Variants in INPP5A observed in about 807,000 individuals in gnomAD.
INPP5A encodes the protein 43 kDa inositol polyphosphate 5-phophatase.
A neutral mutation model predicts 65.2 loss-of-function variants in INPP5A; 14 were observed. The ratio of observed to expected loss-of-function variants is 0.21; its 90% CI spans 0.14 to 0.34. INPP5A has a LOEUF of 0.34. Among genes scored for constraint, INPP5A ranks in the 10% least tolerant of loss-of-function variants. The probability of loss-of-function intolerance (pLI) is 1.00; values close to 1 mark genes in which losing one functional copy is unlikely to be tolerated. For missense variants in INPP5A, 431 were observed against 545.6 expected, an observed-to-expected ratio of 0.79 and a Z score of 2.09; for synonymous variants, 207 against 208.3, an observed-to-expected ratio of 0.99 and a Z score of 0.05.
In INPP5A at chr10:132,659,345, C is replaced by T. The variant is rs984007763; in HGVS notation, c.306+8840C>T. On this transcript the variant is annotated intron_variant, in intron 4 of 15. Coordinates refer to ENST00000368594, the MANE Select transcript of INPP5A (RefSeq NM_005539.5). The surrounding 1 kb of genome is among the most constrained non-coding windows in gnomAD (Gnocchi z 5.5). ...CTGCCATTGGCCCGTAGCTCTGGGG[C>T]TGGTCCTGGCCATCTAGCCATGGGA... Among the ~76,000 whole-genome samples, 3 of 152,198 alleles carry T rather than the reference C, an allele frequency of 2.0e-5. No individual in the cohort carries two copies. The highest frequency in any genetic ancestry group is 4.4e-5 in the Non-Finnish European group (3 of 68,030).
chr10:132,745,748 G>A (rs948418113), intron 9 of INPP5A, among the ~76,000 whole-genome samples: 30 of 150,960 alleles, frequency 2.0e-4, no homozygotes, highest in Non-Finnish European at 7.4e-5. Context: ...GGCCTCAGCT[G>A]TGGTGGCCTT....
At chr10:132,747,450 C>A (rs1259632916) in intron 9 of INPP5A, among the ~76,000 whole-genome samples, 2 of 152,266 alleles carry the variant, frequency 1.3e-5, no homozygotes, top group African/African-American at 4.8e-5. Context: ...ACACTGCACA[C>A]CAGCCACCAG....
At chr10:132,668,329 G>T (rs1474638021) in intron 4 of INPP5A, among the ~76,000 whole-genome samples, 1 of 152,208 alleles carries the variant, frequency 6.6e-6, no homozygotes, top group Admixed American at 6.5e-5. Context: ...TCTGTTGGTG[G>T]TTAGGGGGCA....
At chr10:132,588,758 C>A (rs546495574) in intron 1 of INPP5A, among the ~76,000 whole-genome samples, 1 of 152,320 alleles carries the variant, frequency 6.6e-6, no homozygotes, top group Admixed American at 6.5e-5. Context: ...GTGTGTGTCA[C>A]CATCGGTGGT....
In INPP5A at chr10:132,689,123, G is replaced by A. The variant is rs1156426548; in HGVS notation, c.307-1269G>A. Among the ~76,000 whole-genome samples the A allele has an allele frequency of 3.3e-5, 5 of 152,236 alleles. No homozygotes were observed. The East Asian group carries it at 5.8e-4, about 18-fold the overall frequency. On this transcript the variant is annotated intron_variant, in intron 4 of 15. Transcript: ENST00000368594. Reference sequence around the variant, plus strand: ...CCTTGGAATGAGGTGATACTCAGGCGTTGCCCTTGTGTTGCCCACAGGCTC... The same window carrying A: ...CCTTGGAATGAGGTGATACTCAGGCATTGCCCTTGTGTTGCCCACAGGCTC...
At chr10:132,718,990 G>C (rs1845803618) in intron 8 of INPP5A, among the ~76,000 whole-genome samples, 1 of 147,536 alleles carries the variant, frequency 6.8e-6, no homozygotes, top group Non-Finnish European at 1.5e-5. Context: ...TGGTACCTGG[G>C]TTCTGTCTGG....
chr10:132,664,635 C>T (rs2072779178), intron 4 of INPP5A, among the ~76,000 whole-genome samples: 1 of 152,254 alleles, frequency 6.6e-6, no homozygotes, highest in South Asian at 2.1e-4. Flanking sequence ...CGCTCTCTCA[C>T]AGCCACGTCT....
intron 4 of INPP5A, among the ~76,000 whole-genome samples, chr10:132,688,779 C>G (rs546785704): frequency 1.4e-3 from 211 of 149,712 alleles, no homozygotes; most frequent in African/African-American, 5.0e-3. Flanking sequence ...CGAATGAGTT[C>G]GTGTGTGAGC....
chr10:132,552,697 C>T lies in INPP5A; in HGVS notation c.75+14526C>T, dbSNP rs565878780. Among the ~76,000 whole-genome samples, 458 of 128,424 alleles carry T rather than the reference C, an allele frequency of 3.6e-3. 3 individuals are homozygous for T. Among genetic ancestry groups the T allele is most frequent in the African/African-American group, 0.013 (411 of 32,760 alleles). 84.3% of individuals were successfully genotyped at this position (128,424 alleles called of 152,430 possible). ...AGGATAGGGAGGGAGGATTGGTGAA[C>T]GCCTTCTCAGAGCCTTGGTGGCATA... On this transcript the variant is annotated intron_variant, in intron 1 of 15. Transcript: ENST00000368594.
At position 132,749,557 on chromosome 10, in the gene INPP5A, C is replaced by G; in HGVS notation, c.773C>G (p.Ala258Gly). ...TKATMQTVRA[A>G]DTNEVVKLIF... ...GCCACCATGCAGACGGTCCGGGCCG[C>G]CGACACCAATGAAGTGGTGAAGCTC... The change falls in exon 10 of 16, where the codon GCC becomes GGC. Residue 258 changes from alanine (A) to glycine (G), a missense_variant. Transcript: ENST00000368594. 6.2e-7 allele frequency: 1 copy of G among 1,613,014 alleles called. No homozygotes were observed. The highest frequency in any genetic ancestry group is 8.5e-7 in the Non-Finnish European group (1 of 1,180,024).
intron 4 of INPP5A, among the ~76,000 whole-genome samples, chr10:132,667,818 C>T (rs558187038): frequency 2.6e-5 from 4 of 152,236 alleles, no homozygotes; most frequent in East Asian, 1.9e-4. Flanking sequence ...TGATATTTCT[C>T]GGTAATGAAC....
rs1194547416 is a variant in INPP5A at position 132,545,060 on chromosome 10, C to G, written c.75+6889C>G. Among the ~76,000 whole-genome samples, 1 of 152,110 alleles carries G rather than the reference C, an allele frequency of 6.6e-6. No individual in the cohort carries two copies. Among genetic ancestry groups the G allele is most frequent in the Non-Finnish European group, 1.5e-5 (1 of 68,028 alleles). ...GGCGTGGTCACGTCCGTCCCTGTTG[C>G]CTGCGCTGCTCCGAGAAGCCCCACT... On this transcript the variant is annotated intron_variant, in intron 1 of 15. Coordinates refer to ENST00000368594, the MANE Select transcript of INPP5A (RefSeq NM_005539.5). This position sits in a 1 kb window ranked among gnomAD's most constrained non-coding sequence, Gnocchi z 4.6.
chr10:132,675,764 G>C lies in INPP5A; in HGVS notation c.307-14628G>C, dbSNP rs897337890. Among the ~76,000 whole-genome samples the C allele has an allele frequency of 1.3e-5, 2 of 152,156 alleles. No individual in the cohort carries two copies. Among genetic ancestry groups the C allele is most frequent in the African/African-American group, 4.8e-5 (2 of 41,436 alleles). ...GTAGATGGCAATTTCCTAATATAAT[G>C]GACATTTAAAACTCAATTAAGGCTT... On this transcript the variant is annotated intron_variant, in intron 4 of 15. Transcript: ENST00000368594. The surrounding 1 kb of genome is among the most constrained non-coding windows in gnomAD (Gnocchi z 4.2).
chr10:132,556,583 A>G (rs1282114477), intron 1 of INPP5A, among the ~76,000 whole-genome samples: 1 of 152,180 alleles, frequency 6.6e-6, no homozygotes, highest in Non-Finnish European at 1.5e-5. Flanking sequence ...CATACCACAT[A>G]GGCACACACA....
intron 4 of INPP5A, among the ~76,000 whole-genome samples, chr10:132,664,685 T>C (rs993840058): frequency 1.3e-5 from 2 of 152,236 alleles, no homozygotes; most frequent in Non-Finnish European, 2.9e-5. Flanking sequence ...AGCCCAGAGC[T>C]GAGCACAGAA....
chr10:132,673,499 T>G (rs540077624), intron 4 of INPP5A, among the ~76,000 whole-genome samples: 3 of 152,250 alleles, frequency 2.0e-5, no homozygotes, highest in South Asian at 2.1e-4. Context: ...CTAGTTGGTG[T>G]TGTAATTGTG....
At chr10:132,612,706 G>T (rs900341828) in intron 2 of INPP5A, among the ~76,000 whole-genome samples, 1 of 152,226 alleles carries the variant, frequency 6.6e-6, no homozygotes. Context: ...GCTGTGAGGG[G>T]CTGGGCTGTG....
At chr10:132,718,168 C>A (rs1845779213) in intron 8 of INPP5A, among the ~76,000 whole-genome samples, 2 of 143,466 alleles carry the variant, frequency 1.4e-5, no homozygotes, top group South Asian at 2.3e-4. Context: ...TTCTGTGGTA[C>A]CTGGGTTCTG....
In INPP5A at chr10:132,538,248, T is replaced by G. The variant is rs1007596688; in HGVS notation, c.75+77T>G. ...ACCCCGGGGTCCCGAACTGCAAGCC[T>G]TGGACCCTGGACCGTGAACCTCCAG... is the stretch of plus-strand genomic sequence containing the variant. On this transcript the variant is annotated intron_variant, in intron 1 of 15. Transcript: ENST00000368594. The surrounding 1 kb of genome is among the most constrained non-coding windows in gnomAD (Gnocchi z 4.1). The G allele has an allele frequency of 2.3e-6, 2 of 864,986 alleles. No homozygotes were observed. The highest frequency in any genetic ancestry group is 3.6e-5 in the African/African-American group (2 of 56,238). 53.6% of individuals were successfully genotyped at this position (864,986 alleles called of 1,614,324 possible).
Sources: gnomAD v4.1 joint callset for allele counts (sites outside exome capture counted in the v4.1 genomes callset) on GRCh38, gnomAD v4.1.1 for gene constraint, Gnocchi (gnomAD v3.1) non-coding constraint, MANE v1.5 for transcripts, NCBI Gene and HGNC (gene_info 2026-07-23, HGNC 2026-07-21) for gene names.